Variants in DNAJC15 observed in about 807,000 individuals in gnomAD.
DNAJC15 encodes the protein dnaJ homolog subfamily C member 15.
A neutral mutation model predicts 22.4 loss-of-function variants in DNAJC15; 27 were observed. The observed-to-expected ratio is 1.20, with a 90% CI of 0.89 to 1.66. The LOEUF (loss-of-function observed/expected upper bound fraction) is 1.66. DNAJC15 is among the 40% of genes most tolerant of loss of function. The probability of loss-of-function intolerance (pLI) is 0.00; values close to 1 mark genes in which losing one functional copy is unlikely to be tolerated. For missense variants in DNAJC15, 208 were observed against 187.1 expected (o/e 1.11, Z -0.65); for synonymous variants, 79 against 63.2 (o/e 1.25, Z -1.19).
At chr13:43,102,367 T>C (rs980112018) in intron 5 of DNAJC15, among the ~76,000 whole-genome samples, 1 of 152,192 alleles carries the variant, frequency 6.6e-6, no homozygotes, top group Non-Finnish European at 1.5e-5. Context: ...GATTTTCTCC[T>C]ACTCTGTGGG....
At chr13:43,033,877 A>G (rs1270768631) in intron 1 of DNAJC15, among the ~76,000 whole-genome samples, 6 of 151,954 alleles carry the variant, frequency 3.9e-5, no homozygotes, top group African/African-American at 1.2e-4. Flanking sequence ...AAAATACAAA[A>G]ATTAGCCGGG....
chr13:43,052,647 C>T (rs868098198), intron 1 of DNAJC15, among the ~76,000 whole-genome samples: 1 of 152,308 alleles, frequency 6.6e-6, no homozygotes, highest in Middle Eastern at 3.4e-3. Flanking sequence ...AACTCCCTGA[C>T]CTCAGGTGAT....
chr13:43,071,392 C>T (rs372640617), intron 3 of DNAJC15, among the ~76,000 whole-genome samples: 2 of 152,268 alleles, frequency 1.3e-5, no homozygotes, highest in African/African-American at 4.8e-5. Flanking sequence ...ACTTCGCCTT[C>T]AATAAATCTG....
rs12015 is a variant in DNAJC15 at position 43,023,729 on chromosome 13, A to G, written c.103A>G (p.Arg35Gly). The G allele has an allele frequency of 0.24, 379,753 of 1,606,342 alleles. 47,123 individuals are homozygous for G. Among genetic ancestry groups the G allele is most frequent in the African/African-American group, 0.4 (29,982 of 74,736 alleles). Reference protein sequence around the residue: ...KRPDADVDQQRLVRSLIAVGL... With the variant: ...KRPDADVDQQGLVRSLIAVGL... ...GCCAGACGCCGACGTCGACCAGCAG[A>G]GACTGGTGAGTCCTGCCAGCGGCCC... The change falls in exon 1 of 6, where the codon AGA becomes GGA. Residue 35 changes from arginine (R) to glycine (G), a missense_variant. Physicochemically the swap from Arg to Gly is moderately radical, Grantham distance 125. Coordinates refer to ENST00000379221, the MANE Select transcript of DNAJC15 (RefSeq NM_013238.3).
At chr13:43,092,690 T>C (rs1473946556) in intron 5 of DNAJC15, among the ~76,000 whole-genome samples, 1 of 152,182 alleles carries the variant, frequency 6.6e-6, no homozygotes, top group African/African-American at 2.4e-5. Flanking sequence ...GGCAGGAGGA[T>C]TGCTTGGGCT....
chr13:43,098,090 T>C (rs1278980860), intron 5 of DNAJC15, among the ~76,000 whole-genome samples: 1 of 152,202 alleles, frequency 6.6e-6, no homozygotes, highest in East Asian at 1.9e-4. Context: ...CTGAGAAACT[T>C]AGAGGGGATC....
rs546950576 is a variant in DNAJC15, at chr13:43,089,339, A to G, written c.382+3501A>G. 7.1e-4 allele frequency among the ~76,000 whole-genome samples: 108 copies of G among 152,330 alleles called. 1 individual carries two copies. The highest frequency in any genetic ancestry group is 8.8e-5 in the Non-Finnish European group (6 of 68,022). ...CTGTCCCCGTGGGATCATGCATTCT[A>G]ATGGAGGAGCAGACAAAAAATAAGT... On this transcript the variant is annotated intron_variant, in intron 5 of 5. Coordinates refer to ENST00000379221, the MANE Select transcript of DNAJC15 (RefSeq NM_013238.3).
At chr13:43,035,467 C>A (rs2040424871) in intron 1 of DNAJC15, among the ~76,000 whole-genome samples, 2 of 152,082 alleles carry the variant, frequency 1.3e-5, no homozygotes, top group South Asian at 2.1e-4. Context: ...ACAATCACCA[C>A]CACACTGAAA....
intron 1 of DNAJC15, among the ~76,000 whole-genome samples, chr13:43,060,060 C>G (rs532438460): frequency 6.6e-6 from 1 of 152,174 alleles, no homozygotes; most frequent in East Asian, 1.9e-4. Context: ...GTGCAGGTCA[C>G]AAGGGATATG....
intron 4 of DNAJC15, among the ~76,000 whole-genome samples, chr13:43,080,201 A>AT (rs553681474): frequency 8.2e-4 from 125 of 152,064 alleles, no homozygotes; most frequent in African/African-American, 2.9e-3. Flanking sequence ...CCCAATAGTT[A>AT]TTTTTTCTGC....
intron 1 of DNAJC15, among the ~76,000 whole-genome samples, chr13:43,048,888 TA>T (rs149374941): frequency 0.015 from 2,210 of 152,290 alleles, 56 homozygotes; most frequent in African/African-American, 0.048. Flanking sequence ...GCTACTTTTT[TA>T]AGCCATAAAC....
intron 2 of DNAJC15, among the ~76,000 whole-genome samples, chr13:43,066,803 T>G (rs1396539262): frequency 6.6e-6 from 1 of 152,138 alleles, no homozygotes; most frequent in Admixed American, 6.5e-5. Flanking sequence ...TTTTTGTATT[T>G]TTAGTATAAA....
intron 1 of DNAJC15, among the ~76,000 whole-genome samples, chr13:43,047,771 C>T (rs941994032): frequency 6.6e-6 from 1 of 151,986 alleles, no homozygotes; most frequent in Admixed American, 6.6e-5. Flanking sequence ...ATGCTTGCTG[C>T]ATGGATGAAA....
chr13:43,092,540 G>A (rs1048834378), intron 5 of DNAJC15, among the ~76,000 whole-genome samples: 3 of 151,736 alleles, frequency 2.0e-5, no homozygotes, highest in African/African-American at 7.3e-5. Flanking sequence ...GTTACTTTTT[G>A]TTTTCTATTT....
intron 1 of DNAJC15, among the ~76,000 whole-genome samples, chr13:43,043,466 T>C (rs929891969): frequency 2.6e-5 from 4 of 152,222 alleles, no homozygotes; most frequent in African/African-American, 9.6e-5. Context: ...TTATTTTGAG[T>C]AAATGCAAAA....
At chr13:43,064,848 A>C (rs2040575628) in intron 1 of DNAJC15, among the ~76,000 whole-genome samples, 1 of 152,150 alleles carries the variant, frequency 6.6e-6, no homozygotes, top group Non-Finnish European at 1.5e-5. Flanking sequence ...ACTTCTCAGA[A>C]GTTGCATACA....
At chr13:43,046,129 G>A (rs1047223460) in intron 1 of DNAJC15, among the ~76,000 whole-genome samples, 2 of 149,926 alleles carry the variant, frequency 1.3e-5, no homozygotes, top group African/African-American at 4.9e-5. Context: ...ATTCTTTCAT[G>A]TTTTCCACAT....
chr13:43,079,161 A>G (rs1268538949), intron 4 of DNAJC15, among the ~76,000 whole-genome samples: 1 of 152,156 alleles, frequency 6.6e-6, no homozygotes, highest in Non-Finnish European at 1.5e-5. Flanking sequence ...AATTAATGAT[A>G]TTATATAATT....
intron 2 of DNAJC15, among the ~76,000 whole-genome samples, chr13:43,067,852 A>G (rs1008485025): frequency 6.6e-6 from 1 of 152,186 alleles, no homozygotes; most frequent in South Asian, 2.1e-4. Flanking sequence ...TATAAAATCA[A>G]ATGGAAGATG....
Sources: gnomAD v4.1 joint callset for allele counts (sites outside exome capture counted in the v4.1 genomes callset) on GRCh38, gnomAD v4.1.1 for gene constraint, MANE v1.5 for transcripts, NCBI Gene and HGNC (gene_info 2026-07-23, HGNC 2026-07-21) for gene names.